ZNF644: variants seen among roughly 807,000 people sequenced by gnomAD.
The protein encoded by ZNF644 is zinc finger motif enhancer binding protein 2.
Under a neutral mutation model 108.0 loss-of-function variants are expected in ZNF644, and 20 were observed. The observed-to-expected ratio is 0.19, with a 90% confidence interval of 0.13 to 0.27. The LOEUF (loss-of-function observed/expected upper bound fraction) is 0.27. Among genes scored for constraint, ZNF644 ranks in the 10% least tolerant of loss-of-function variants. The probability of loss-of-function intolerance (pLI) is 1.00; values close to 1 mark genes in which losing one functional copy is unlikely to be tolerated. For missense variants in ZNF644, 1,338 were observed against 1,548.9 expected, an observed-to-expected ratio of 0.86 and a Z score of 2.29; for synonymous variants, 542 against 539.1, an observed-to-expected ratio of 1.01 and a Z score of -0.08.
At chr1:90,976,262 C>T (rs528049259) in intron 2 of ZNF644, among the ~76,000 whole-genome samples, 2 of 152,214 alleles carry the variant, frequency 1.3e-5, no homozygotes, top group African/African-American at 2.4e-5. Context: ...TAAAAACGTC[C>T]TCCTCAGGCC....
At chr1:90,977,644 G>A (rs474262) in intron 2 of ZNF644, among the ~76,000 whole-genome samples, 20,197 of 152,144 alleles carry the variant, frequency 0.13, 1,394 homozygotes, top group South Asian at 0.16. Flanking sequence ...AGCAATAAGA[G>A]TATTAAGTGG....
chr1:90,935,330 G>A (rs1557560352), intron 4 of ZNF644: 2 of 979,562 alleles, frequency 2.0e-6, no homozygotes, highest in Non-Finnish European at 2.4e-6. Context: ...AATATGATCT[G>A]AATTAACACC....
In ZNF644 at chr1:90,941,250, A is replaced by G. The variant is rs888818004; in HGVS notation, c.104T>C (p.Ile35Thr). The G allele has an allele frequency of 1.9e-6, 3 of 1,602,528 alleles. No homozygotes were observed. The highest frequency in any genetic ancestry group is 2.5e-6 in the Non-Finnish European group (3 of 1,176,906). The change falls in exon 3 of 6, where the codon ATT (isoleucine) becomes ACT (threonine). Residue 35 changes from isoleucine (I) to threonine (T), a missense_variant. Physicochemically the swap from Ile to Thr is moderately conservative, Grantham distance 89 (BLOSUM62 -1). Transcript: ENST00000337393. ...NMDDLKINTDITGAKEELLDD... is the reference protein window; with the variant it reads ...NMDDLKINTDTTGAKEELLDD... Reference sequence around the variant, plus strand: ...TAGGAGTTCTTCTTTAGCACCAGTAATATCGGTGTTTATCTTCAAATCATC... The same window carrying G: ...TAGGAGTTCTTCTTTAGCACCAGTAGTATCGGTGTTTATCTTCAAATCATC...
intron 1 of ZNF644, among the ~76,000 whole-genome samples, chr1:91,016,489 A>G (rs966938850): frequency 1.1e-4 from 16 of 152,226 alleles, no homozygotes; most frequent in East Asian, 9.6e-4. Context: ...CAACTGTAAC[A>G]TAACTGTTTA....
rs1413716623 is a variant in ZNF644 at position 90,941,131 on chromosome 1, G to C, written c.223C>G (p.Pro75Ala). The change falls in exon 3 of 6, where the codon CCT becomes GCT. Residue 75 changes from proline (P) to alanine (A), a missense_variant. Physicochemically the swap from Pro to Ala is conservative, Grantham distance 27. This residue lies in a region of ZNF644 where 464 missense variants were observed against 457.9 expected (regional missense o/e 1.01). Transcript: ENST00000337393. ...SFQKNNTLTL[P>A]EELSKDKSEN... ...GATTTGTCCTTTGACAGTTCTTCAG[G>C]CAGAGTCAACGTATTATTTTTCTGA... The C allele has an allele frequency of 6.2e-7, 1 of 1,613,852 alleles. No individual in the cohort carries two copies. Among genetic ancestry groups the C allele is most frequent in the African/African-American group, 1.3e-5 (1 of 74,918 alleles).
intron 2 of ZNF644, among the ~76,000 whole-genome samples, chr1:90,970,998 C>CAAAAA (rs61253802): frequency 1.1e-5 from 1 of 92,854 alleles, no homozygotes; most frequent in Non-Finnish European, 2.0e-5. Context: ...GACTCCATTT[C>CAAAAA]AAAAAAAAAA....
chr1:90,946,166 A>G (rs1384115522), intron 2 of ZNF644, among the ~76,000 whole-genome samples: 2 of 152,102 alleles, frequency 1.3e-5, no homozygotes, highest in Non-Finnish European at 2.9e-5. Flanking sequence ...TGTGGCATTT[A>G]AACCTATATA....
intron 2 of ZNF644, among the ~76,000 whole-genome samples, chr1:90,963,179 G>A (rs960319660): frequency 7.2e-5 from 11 of 152,046 alleles, no homozygotes; most frequent in African/African-American, 2.7e-4. Flanking sequence ...AAGTTAGAAA[G>A]CTCAATAGTA....
chr1:91,007,219 CA>C lies in ZNF644; in HGVS notation c.-18+14770del, dbSNP rs1464658346. Among the ~76,000 whole-genome samples, 362 of 114,162 alleles carry C rather than the reference CA, an allele frequency of 3.2e-3. 3 individuals are homozygous for C. The highest frequency in any genetic ancestry group is 5.5e-3 in the Non-Finnish European group (301 of 54,494). The allele number at this position is 114,162 out of a possible 152,430, so 74.9% of individuals were successfully genotyped here. A position where few individuals can be genotyped will look rare whatever the true frequency, so the allele number is the denominator to read the frequency against. On this transcript the variant is annotated intron_variant, in intron 1 of 5. Transcript: ENST00000337393. ...ATTCTTAATTTCTTCCATTTTCTCC[CA>C]TTTTGTTTTTTTTTTTTTTTTTTTT...
At chr1:90,944,532 C>A (rs1224230496) in intron 2 of ZNF644, among the ~76,000 whole-genome samples, 1 of 150,044 alleles carries the variant, frequency 6.7e-6, no homozygotes, top group Non-Finnish European at 1.5e-5. Context: ...TATCTCTACT[C>A]AAAAATAAAA....
intron 2 of ZNF644, among the ~76,000 whole-genome samples, chr1:90,950,131 C>T (rs374024037): frequency 1.5e-4 from 23 of 150,344 alleles, no homozygotes; most frequent in Middle Eastern, 3.4e-3. Context: ...ATAAAAAATT[C>T]GCAGGGTGTG....
chr1:90,932,094 A>G (rs1284945550), intron 4 of ZNF644, among the ~76,000 whole-genome samples: 1 of 152,178 alleles, frequency 6.6e-6, no homozygotes, highest in Non-Finnish European at 1.5e-5. Context: ...TTACCAGTAA[A>G]CAGGTATTTT....
At chr1:90,966,811 G>C (rs1654955406) in intron 2 of ZNF644, among the ~76,000 whole-genome samples, 1 of 151,404 alleles carries the variant, frequency 6.6e-6, no homozygotes, top group Non-Finnish European at 1.5e-5. Flanking sequence ...TAGGCATTTT[G>C]GGAGATGGTC....
At chr1:90,972,508 ACT>A (rs1655599536) in intron 2 of ZNF644, among the ~76,000 whole-genome samples, 1 of 152,210 alleles carries the variant, frequency 6.6e-6, no homozygotes, top group East Asian at 1.9e-4. Flanking sequence ...ACATTTGTGC[ACT>A]GTTGGTGGGA....
At chr1:90,924,223 G>GT (rs1292158845) in intron 4 of ZNF644, among the ~76,000 whole-genome samples, 3 of 152,102 alleles carry the variant, frequency 2.0e-5, no homozygotes, top group African/African-American at 7.2e-5. Flanking sequence ...GATAGCAAAC[G>GT]TATTACTTCT....
Position 90,937,489 on chromosome 1 carries a change from G to A in ZNF644, c.3684C>T (p.His1228=). The change falls in exon 4 of 6, where the codon CAC becomes CAT. Residue 1228 remains histidine (H), a synonymous_variant. Transcript: ENST00000337393. Reference sequence around the variant, plus strand: ...TAGTCATAAACGTCCTCTTACCTGAGTGCATAGTCAAGTCCATTTTTTGTG... The same window carrying A: ...TAGTCATAAACGTCCTCTTACCTGAATGCATAGTCAAGTCCATTTTTTGTG... ...YQPQKMDLTM[H]SALDCKQKKS... The A allele has an allele frequency of 1.9e-6, 3 of 1,613,736 alleles. No individual in the cohort carries two copies. Among genetic ancestry groups the A allele is most frequent in the South Asian group, 1.1e-5 (1 of 91,058 alleles).
intron 2 of ZNF644, among the ~76,000 whole-genome samples, chr1:90,952,953 A>AC (rs1197138066): frequency 9.2e-5 from 14 of 151,898 alleles, no homozygotes; most frequent in African/African-American, 3.1e-4. Context: ...TGAGAAAAAA[A>AC]ATCTTAAAAG....
intron 1 of ZNF644, among the ~76,000 whole-genome samples, chr1:90,986,837 T>C (rs1187153197): frequency 6.6e-6 from 1 of 151,706 alleles, no homozygotes; most frequent in Non-Finnish European, 1.5e-5. Context: ...TCTTCTCTAA[T>C]CACAGTGAAA....
intron 2 of ZNF644, among the ~76,000 whole-genome samples, chr1:90,980,023 T>TC (rs1178850499): frequency 6.6e-6 from 1 of 152,160 alleles, no homozygotes; most frequent in Non-Finnish European, 1.5e-5. Context: ...CAACAGCAAC[T>TC]CAAGTGCCAA....
Sources: allele counts gnomAD v4.1 joint callset (sites outside exome capture counted in the v4.1 genomes callset), GRCh38; gene constraint gnomAD v4.1.1; regional missense constraint gnomAD v4.1.1; transcripts MANE v1.5; gene names NCBI Gene and HGNC (gene_info 2026-07-23, HGNC 2026-07-21).